The following PDXDC1 variants were observed in gnomAD, a reference collection of about 807,000 sequenced individuals.
The protein encoded by PDXDC1 is pyridoxal-dependent decarboxylase domain-containing protein 1.
A neutral mutation model predicts 100.1 loss-of-function variants in PDXDC1; 42 were observed. The observed-to-expected ratio is 0.42, with a 90% CI of 0.33 to 0.54. The LOEUF (loss-of-function observed/expected upper bound fraction) is 0.54. Ranked by LOEUF, PDXDC1 falls within the 20% of genes least tolerant of loss-of-function variation. PDXDC1 has a pLI of 0.10. For missense variants in PDXDC1, 636 were observed against 979.2 expected (o/e 0.65, Z 4.68); for synonymous variants, 260 against 371.7 (o/e 0.70, Z 3.46).
the PDXDC1 span, among the ~76,000 whole-genome samples, chr16:15,146,970 G>A: frequency 5.3e-5 from 8 of 152,210 alleles, no homozygotes; most frequent in East Asian, 1.5e-3. Flanking sequence ...GCTGGGACGT[G>A]AACCCAAGTC....
intron 16 of PDXDC1, among the ~76,000 whole-genome samples, chr16:15,063,741 A>G (rs977353821): frequency 2.0e-5 from 3 of 151,718 alleles, no homozygotes; most frequent in African/African-American, 7.3e-5. Flanking sequence ...CAAAACAAAA[A>G]AACAACCCTC....
At chr16:15,117,542 A>G (rs1481020561) in intron 16 of PDXDC1, among the ~76,000 whole-genome samples, 5 of 151,350 alleles carry the variant, frequency 3.3e-5, no homozygotes, top group Non-Finnish European at 7.4e-5. Context: ...AAAATACACA[A>G]ATTAGCTGGG....
intron 16 of PDXDC1, chr16:15,047,421 T>A (rs1332593431): frequency 1.4e-6 from 2 of 1,458,410 alleles, no homozygotes; most frequent in South Asian, 2.3e-5. Context: ...AATTCACCTA[T>A]GAGAGCAGCG....
chr16:15,114,223 G>C (rs1335691508), intron 16 of PDXDC1, among the ~76,000 whole-genome samples: 4,203 of 145,496 alleles, frequency 0.029, 11 homozygotes, highest in East Asian at 0.048. Flanking sequence ...ACTTATTTTT[G>C]ACCAAAAGCT....
intron 16 of PDXDC1, among the ~76,000 whole-genome samples, chr16:15,072,672 C>T (rs748215617): frequency 4.6e-5 from 7 of 152,136 alleles, no homozygotes; most frequent in South Asian, 4.1e-4. Flanking sequence ...GCATGGTAAC[C>T]TGTGGTCCCA....
chr16:15,056,049 G>C (rs943079880), intron 16 of PDXDC1: 1 of 571,344 alleles, frequency 1.8e-6, no homozygotes, highest in Non-Finnish European at 2.3e-6. Context: ...CGCCGCCCCC[G>C]CCCCTCGGGC....
At chr16:15,000,596 A>T (rs1030821328) in intron 3 of PDXDC1, among the ~76,000 whole-genome samples, 2 of 152,284 alleles carry the variant, frequency 1.3e-5, no homozygotes, top group African/African-American at 4.8e-5. Flanking sequence ...TCCTGTTGCA[A>T]GTTGCCTTGC....
Position 15,083,443 on chromosome 16 carries a change from C to T in PDXDC1, c.1399+53387C>T, listed in dbSNP as rs566858160. On this transcript the variant is annotated intron_variant, in intron 16 of 16. Transcript: ENST00000535621. ...AAAGACTGGAAAAGAAAGAAAAAGACCTAATATCATCTAAAATGAAATCGT... is the reference window on the plus strand; with the variant it reads ...AAAGACTGGAAAAGAAAGAAAAAGATCTAATATCATCTAAAATGAAATCGT... 10 of 1,594,862 alleles carry T rather than the reference C, an allele frequency of 6.3e-6. No individual in the cohort carries two copies. In the African/African-American group the frequency reaches 1.4e-4, roughly 22 times the overall value.
At chr16:15,137,253 G>A (rs1388814020) in intron 16 of PDXDC1, 2 of 809,812 alleles carry the variant, frequency 2.5e-6, no homozygotes, top group Non-Finnish European at 4.0e-6. Flanking sequence ...GGGGCCCCTG[G>A]GGAGGCAGGG....
At chr16:15,109,852 AT>A (rs1171287110) in intron 16 of PDXDC1, among the ~76,000 whole-genome samples, 7 of 130,512 alleles carry the variant, frequency 5.4e-5, no homozygotes, top group East Asian at 2.3e-4. Context: ...CTATCTCAAA[AT>A]TTAAAAAAAA....
intron 1 of PDXDC1, among the ~76,000 whole-genome samples, chr16:14,983,780 C>T (rs1405018307): frequency 2.6e-5 from 4 of 152,378 alleles, no homozygotes; most frequent in African/African-American, 4.8e-5. Flanking sequence ...ATTGAGGAAC[C>T]GTTTACTTAC....
chr16:15,038,372 G>A (rs1450611442), downstream of PDXDC1: 3 of 631,176 alleles, frequency 4.8e-6, no homozygotes, highest in East Asian at 2.8e-5. Context: ...ATTGCTTACT[G>A]CTTTACCCAC....
chr16:15,034,795 C>T (rs1208957698), intron 21 of PDXDC1, among the ~76,000 whole-genome samples: 1 of 152,186 alleles, frequency 6.6e-6, no homozygotes, highest in Non-Finnish European at 1.5e-5. Flanking sequence ...CACCGCAAGG[C>T]CATGAGGACA....
downstream of PDXDC1, chr16:15,038,397 A>G (rs924183989): frequency 4.8e-6 from 3 of 622,854 alleles, no homozygotes; most frequent in African/African-American, 5.5e-5. Flanking sequence ...ATTTCCATCT[A>G]GGACTTGACA....
intron 16 of PDXDC1, among the ~76,000 whole-genome samples, chr16:15,101,168 G>T (rs1351026642): frequency 1.3e-5 from 2 of 152,184 alleles, no homozygotes; most frequent in Admixed American, 1.3e-4. Flanking sequence ...ATGTCACGGT[G>T]TACAGGACAG....
intron 16 of PDXDC1, among the ~76,000 whole-genome samples, chr16:15,123,680 C>G (rs2151896877): frequency 8.1e-6 from 1 of 123,790 alleles, no homozygotes; most frequent in Admixed American, 9.2e-5. Flanking sequence ...TGAGAGCAAT[C>G]AAATCACACA....
chr16:15,027,122 TCTGA>T (rs2042667824), intron 14 of PDXDC1, among the ~76,000 whole-genome samples: 1 of 152,280 alleles, frequency 6.6e-6, no homozygotes, highest in Non-Finnish European at 1.5e-5. Flanking sequence ...TCAACTGACC[TCTGA>T]CTTTCATACA....
At chr16:15,094,289 C>T (rs1218238924) in intron 16 of PDXDC1, 1 of 1,399,744 alleles carries the variant, frequency 7.1e-7, no homozygotes, top group East Asian at 2.5e-5. Flanking sequence ...CTCCTTCCAG[C>T]CACAGCCTCT....
chr16:15,003,647 A>G (rs1472477371), intron 4 of PDXDC1, among the ~76,000 whole-genome samples: 2 of 152,304 alleles, frequency 1.3e-5, no homozygotes. Flanking sequence ...GTAGGTACTC[A>G]ATTTAAAAAG....
Sources: gnomAD v4.1 joint callset for allele counts (sites outside exome capture counted in the v4.1 genomes callset) on GRCh38, gnomAD v4.1.1 for gene constraint, MANE v1.5 for transcripts, NCBI Gene and HGNC (gene_info 2026-07-23, HGNC 2026-07-21) for gene names.